The following ASCC2 variants were observed in gnomAD, a reference collection of about 807,000 sequenced individuals.
ASCC2 encodes ASC-1 complex subunit P100.
In ASCC2, 42 loss-of-function variants were observed where a neutral mutation model predicts 93.5. The ratio of observed to expected loss-of-function variants is 0.45; its 90% CI spans 0.35 to 0.58. The LOEUF (loss-of-function observed/expected upper bound fraction) is 0.58. Among genes scored for constraint, ASCC2 ranks in the 20% least tolerant of loss-of-function variants. The pLI is 0.00. For missense variants in ASCC2, 859 were observed against 977.6 expected (o/e 0.88, Z 1.62); for synonymous variants, 364 against 384.2 (o/e 0.95, Z 0.62).
intron 1 of ASCC2, among the ~76,000 whole-genome samples, chr22:29,832,990 G>A (rs979443148): frequency 5.3e-5 from 8 of 152,070 alleles, no homozygotes; most frequent in African/African-American, 1.9e-4. Context: ...TCAAACTCCT[G>A]GGCTCAAATG....
chr22:29,825,951 G>A lies in ASCC2; in HGVS notation c.82-171C>T, dbSNP rs2062245940. On this transcript the variant is annotated intron_variant, in intron 2 of 19. Transcript: ENST00000307790. This position sits in a 1 kb window ranked among gnomAD's most constrained non-coding sequence, Gnocchi z 4.9. Reference sequence around the variant, plus strand: ...CAAAGAGGGCATGGTTGCATTCAGCGAACACTAGGCGGTAATTAAAATCCA... The same window carrying A: ...CAAAGAGGGCATGGTTGCATTCAGCAAACACTAGGCGGTAATTAAAATCCA... 1.5e-6 allele frequency: 1 copy of A among 651,080 alleles called. No individual in the cohort carries two copies. Among genetic ancestry groups the A allele is most frequent in the Non-Finnish European group, 2.6e-6 (1 of 386,576 alleles). 40.3% of individuals were successfully genotyped at this position (651,080 alleles called of 1,614,324 possible).
intron 1 of ASCC2, 171 bp from the exon 2 acceptor site, chr22:29,832,513 CT>C: frequency 1.6e-5 from 8 of 514,828 alleles, no homozygotes; most frequent in Admixed American, 3.6e-5. Flanking sequence ...GCCAAAGTGA[CT>C]TTTTTTGCAT....
chr22:29,793,731 C>A lies in ASCC2; in HGVS notation c.1689-55G>T, dbSNP rs1226643575. The A allele has an allele frequency of 9.3e-6, 14 of 1,509,620 alleles. No individual in the cohort carries two copies. In the Admixed American group the frequency reaches 1.2e-4, roughly 13 times the overall value. The allele number at this position is 1,509,620 out of a possible 1,614,324, so 93.5% of individuals were successfully genotyped here. On this transcript the variant is annotated intron_variant, in intron 15 of 19. Transcript: ENST00000307790. ...GAAAACCATCAGGCTTGGAAGGCCGCAGGGTACGGAGGGTCCAGAGACCAC... is the reference window on the plus strand; with the variant it reads ...GAAAACCATCAGGCTTGGAAGGCCGAAGGGTACGGAGGGTCCAGAGACCAC...
At chr22:29,802,985 G>A (rs368327537) in intron 13 of ASCC2, among the ~76,000 whole-genome samples, 1 of 151,008 alleles carries the variant, frequency 6.6e-6, no homozygotes, top group East Asian at 2.0e-4. Context: ...TGGTGCTCAT[G>A]CCTATAATCC....
chr22:29,826,119 G>C, intron 2 of ASCC2: 1 of 194,254 alleles, frequency 5.1e-6, no homozygotes, highest in Non-Finnish European at 1.1e-5. Flanking sequence ...AGAAAAACCA[G>C]AGCATAGTTT....
chr22:29,792,797 G>T (rs1412093157), intron 17 of ASCC2, among the ~76,000 whole-genome samples: 1 of 151,558 alleles, frequency 6.6e-6, no homozygotes, highest in South Asian at 2.1e-4. Context: ...GCTCTGCTTG[G>T]ATCTGTATTG....
chr22:29,802,549 C>T (rs1179132703), intron 13 of ASCC2, among the ~76,000 whole-genome samples: 3 of 151,940 alleles, frequency 2.0e-5, no homozygotes, highest in Non-Finnish European at 4.4e-5. Context: ...ACCTATAATC[C>T]CAGCACTTTG....
In ASCC2 at chr22:29,798,667, C is replaced by A. The variant is rs929516318; in HGVS notation, c.1688+2324G>T. ...CTCCACTACCATCTGCAGCGTCCTACCTAATTTCTCATGGGATTAGGACAT... is the reference window on the plus strand; with the variant it reads ...CTCCACTACCATCTGCAGCGTCCTAACTAATTTCTCATGGGATTAGGACAT... On this transcript the variant is annotated intron_variant, in intron 15 of 19. Coordinates refer to ENST00000307790, the MANE Select transcript of ASCC2 (RefSeq NM_032204.5). Among the ~76,000 whole-genome samples, 3 of 152,342 alleles carry A rather than the reference C, an allele frequency of 2.0e-5. No individual in the cohort carries two copies. In the East Asian group the frequency reaches 5.8e-4, roughly 29 times the overall value.
rs188872460 is a variant in ASCC2, at chr22:29,823,107, C to T, written c.412-643G>A. Among the ~76,000 whole-genome samples the T allele has an allele frequency of 5.4e-3, 822 of 152,106 alleles. 3 individuals are homozygous for T. The highest frequency in any genetic ancestry group is 0.019 in the African/African-American group (775 of 41,484). On this transcript the variant is annotated intron_variant, in intron 4 of 19. Coordinates refer to ENST00000307790, the MANE Select transcript of ASCC2 (RefSeq NM_032204.5). ...AGGCTGGAGTGCAGTGGTGCTATCT[C>T]GGCTCACTGCAACCTCCGCCTCCCA...
chr22:29,821,589 C>T (rs1458984506), intron 5 of ASCC2, among the ~76,000 whole-genome samples: 1 of 152,206 alleles, frequency 6.6e-6, no homozygotes, highest in Non-Finnish European at 1.5e-5. Flanking sequence ...AATGCCAGGT[C>T]CCCGGAACAC....
chr22:29,810,018 TC>T (rs1162759972), intron 8 of ASCC2: 1 of 152,150 alleles, frequency 6.6e-6, no homozygotes, highest in Non-Finnish European at 1.5e-5. Flanking sequence ...ATTCAAACTC[TC>T]CATCCCAGCC....
chr22:29,826,481 A>G (rs2062344090), intron 2 of ASCC2, among the ~76,000 whole-genome samples: 1 of 151,556 alleles, frequency 6.6e-6, no homozygotes, highest in African/African-American at 2.4e-5. Context: ...ATGCCTGGCT[A>G]ATTTTTTTTT....
chr22:29,830,567 C>T (rs987479041), intron 2 of ASCC2, among the ~76,000 whole-genome samples: 4 of 10,182 alleles, frequency 3.9e-4, no homozygotes, highest in Non-Finnish European at 5.3e-4. Context: ...CGTACCCTCC[C>T]ACCAGGCCAA....
chr22:29,834,219 G>A, intron 1 of ASCC2: 1 of 245,982 alleles, frequency 4.1e-6, no homozygotes. Flanking sequence ...ACTATACTGT[G>A]TCTAGTTTAG....
chr22:29,829,127 GATC>G (rs1469195454), intron 2 of ASCC2, among the ~76,000 whole-genome samples: 1 of 152,050 alleles, frequency 6.6e-6, no homozygotes, highest in Non-Finnish European at 1.5e-5. Context: ...AGTGAGCAGA[GATC>G]ATGCCACTGC....
At chr22:29,792,629 G>T in intron 17 of ASCC2, 94 bp from the exon 18 acceptor site, 4 of 1,521,574 alleles carry the variant, frequency 2.6e-6, no homozygotes, top group Non-Finnish European at 3.6e-6. Context: ...AGATGGGGCC[G>T]CCAGGAGGGC....
Position 29,793,557 on chromosome 22 carries a change from AC to A in ASCC2, c.1788+19del, listed in dbSNP as rs747401908. On this transcript the variant is annotated intron_variant, in intron 16 of 19. Transcript: ENST00000307790. ...GCCTGGTTTCCCTGGCCCAGCAGAG[AC>A]CTGGCCTTGGTGGCCTACCTCCTCC... The A allele has an allele frequency of 2.5e-6, 4 of 1,613,514 alleles. No individual in the cohort carries two copies. The highest frequency in any genetic ancestry group is 3.4e-6 in the Non-Finnish European group (4 of 1,179,858).
chr22:29,804,390 G>C (rs955137959), intron 13 of ASCC2, among the ~76,000 whole-genome samples: 10 of 152,170 alleles, frequency 6.6e-5, no homozygotes, highest in Non-Finnish European at 1.2e-4. Context: ...TCATTTTATA[G>C]AGGGGAAGCT....
At chr22:29,790,660 G>A in intron 18 of ASCC2, 112 bp from the exon 19 acceptor site, 1 of 1,134,026 alleles carries the variant, frequency 8.8e-7, no homozygotes, top group Non-Finnish European at 1.3e-6. Context: ...CCAGGTGTGG[G>A]GGGAAGCTGC....
Sources: gnomAD v4.1 joint callset for allele counts (sites outside exome capture counted in the v4.1 genomes callset) on GRCh38, gnomAD v4.1.1 for gene constraint, Gnocchi (gnomAD v3.1) non-coding constraint, MANE v1.5 for transcripts, NCBI Gene and HGNC (gene_info 2026-07-23, HGNC 2026-07-21) for gene names.